Variants in TFPI observed in about 807,000 individuals in gnomAD.
The protein encoded by TFPI is anti-convertin.
In TFPI, 15 loss-of-function variants were observed where a neutral mutation model predicts 34.6. The ratio of observed to expected loss-of-function variants is 0.43; its 90% CI spans 0.29 to 0.67. TFPI has a LOEUF of 0.67. TFPI is among the 30% of genes least tolerant of loss of function. The pLI is 0.15. For missense variants in TFPI, 301 were observed against 364.0 expected, an observed-to-expected ratio of 0.83 and a Z score of 1.41; for synonymous variants, 105 against 120.1, an observed-to-expected ratio of 0.87 and a Z score of 0.82.
chr2:187,549,858 A>T (rs1689030619), intron 1 of TFPI, among the ~76,000 whole-genome samples: 1 of 151,980 alleles, frequency 6.6e-6, no homozygotes, highest in Admixed American at 6.6e-5. Context: ...CAGGGATTGG[A>T]TTTTTCCACC....
At chr2:187,535,950 A>C (rs920226498) in intron 1 of TFPI, among the ~76,000 whole-genome samples, 5 of 152,334 alleles carry the variant, frequency 3.3e-5, no homozygotes, top group African/African-American at 4.8e-5. Flanking sequence ...GAATACTATA[A>C]AAACCTCTAA....
chr2:187,521,254 G>C (rs778278360), intron 1 of TFPI, among the ~76,000 whole-genome samples: 9 of 151,988 alleles, frequency 5.9e-5, no homozygotes, highest in Non-Finnish European at 1.2e-4. Context: ...CATCCATGTT[G>C]TCACAAATAG....
At chr2:187,488,146 A>T (rs1337378767) in intron 4 of TFPI, among the ~76,000 whole-genome samples, 191 bp downstream of exon 4, 1 of 151,370 alleles carries the variant, frequency 6.6e-6, no homozygotes, top group Non-Finnish European at 1.5e-5. Flanking sequence ...AAATGACATG[A>T]TCAATCTGTC....
chr2:187,478,704 C>T (rs1482519742), intron 6 of TFPI: 3 of 1,613,334 alleles, frequency 1.9e-6, no homozygotes, highest in Admixed American at 3.3e-5. Flanking sequence ...GCTATCCAAT[C>T]CTAGAAAGAA....
intron 6 of TFPI, among the ~76,000 whole-genome samples, chr2:187,471,883 GT>G (rs1410260912): frequency 6.6e-6 from 1 of 151,634 alleles, no homozygotes; most frequent in Non-Finnish European, 1.5e-5. Context: ...AACAAACTAG[GT>G]TTTAAGAAAT....
intron 6 of TFPI, chr2:187,478,688 T>G (rs1559101038): frequency 1.2e-6 from 2 of 1,613,164 alleles, no homozygotes; most frequent in Admixed American, 3.3e-5. Context: ...AACATAGGCA[T>G]GAAATGCTAT....
At position 187,495,310 on chromosome 2, in the gene TFPI, C is replaced by G. The variant is rs375574444; in HGVS notation, c.319+1571G>C. On this transcript the variant is annotated intron_variant, in intron 3 of 7. Coordinates refer to ENST00000233156, the MANE Select transcript of TFPI (RefSeq NM_006287.6). ...AGAGTGGGGATTACAAAGAATGAGG[C>G]AACCAGGCTTCTAGCCAAGGTACTG... 1.4e-4 allele frequency among the ~76,000 whole-genome samples: 22 copies of G among 152,262 alleles called. No homozygotes were observed. In the South Asian group the frequency reaches 3.7e-3, roughly 26 times the overall value.
Position 187,506,130 on chromosome 2 carries a change from A to G in TFPI, c.-2-2360T>C, listed in dbSNP as rs114988101. The stretch of plus-strand genomic sequence containing the variant: ...AATGTAGGGATGAATCCATGCACCA[A>G]CTTCTATATACCATGCAAAATCTTT... On this transcript the variant is annotated intron_variant, in intron 1 of 7. Transcript: ENST00000233156. 8.7e-3 allele frequency among the ~76,000 whole-genome samples: 1,330 copies of G among 152,174 alleles called. 17 individuals are homozygous for G. Among genetic ancestry groups the G allele is most frequent in the African/African-American group, 0.03 (1,260 of 41,536 alleles).
At chr2:187,482,875 A>G (rs1288571484) in intron 6 of TFPI, among the ~76,000 whole-genome samples, 1 of 152,006 alleles carries the variant, frequency 6.6e-6, no homozygotes, top group Non-Finnish European at 1.5e-5. Flanking sequence ...CTCCTTTCAC[A>G]TAATAGTGTT....
At chr2:187,508,686 G>A (rs1357143083) in intron 1 of TFPI, among the ~76,000 whole-genome samples, 1 of 152,182 alleles carries the variant, frequency 6.6e-6, no homozygotes, top group East Asian at 1.9e-4. Context: ...TCAGCTTAAG[G>A]AGATTTGGGG....
At chr2:187,483,516 T>C (rs1037981666) in intron 6 of TFPI, among the ~76,000 whole-genome samples, 18 of 152,042 alleles carry the variant, frequency 1.2e-4, no homozygotes, top group Non-Finnish European at 2.1e-4. Context: ...CCTGATTATG[T>C]TTTCCAGTAT....
chr2:187,532,612 A>G (rs34893125), intron 1 of TFPI, among the ~76,000 whole-genome samples: 34,967 of 152,160 alleles, frequency 0.23, 4,186 homozygotes, highest in Middle Eastern at 0.29. Flanking sequence ...TCGCGTGCTT[A>G]CGCCATTGAG....
chr2:187,533,016 T>C (rs971460383), intron 1 of TFPI, among the ~76,000 whole-genome samples: 1 of 152,150 alleles, frequency 6.6e-6, no homozygotes, highest in Non-Finnish European at 1.5e-5. Flanking sequence ...CCTCTCTAGA[T>C]TCTTCCTCTC....
intron 2 of TFPI, among the ~76,000 whole-genome samples, chr2:187,501,064 G>A (rs1018457879): frequency 1.3e-5 from 2 of 152,096 alleles, no homozygotes; most frequent in Non-Finnish European, 2.9e-5. Context: ...GCCTGAAGGG[G>A]TCAGCGATAA....
chr2:187,510,605 G>A (rs1273070253), intron 1 of TFPI, among the ~76,000 whole-genome samples: 1 of 152,192 alleles, frequency 6.6e-6, no homozygotes, highest in Non-Finnish European at 1.5e-5. Context: ...CCGGCGCTGT[G>A]CCCTGGGCCT....
chr2:187,496,564 T>C lies in TFPI; in HGVS notation c.319+317A>G, dbSNP rs368137454. 2.2e-4 allele frequency among the ~76,000 whole-genome samples: 33 copies of C among 152,206 alleles called. No individual in the cohort carries two copies. The East Asian group carries it at 4.8e-3, about 22-fold the overall frequency. ...GGCCTCATATTTTATAATTCACTGA[T>C]ATGAAGAAAATGAAAAATGATAGTT... On this transcript the variant is annotated intron_variant, in intron 3 of 7. Coordinates refer to ENST00000233156, the MANE Select transcript of TFPI (RefSeq NM_006287.6).
intron 3 of TFPI, among the ~76,000 whole-genome samples, chr2:187,490,466 G>A (rs535606200): frequency 6.6e-6 from 1 of 151,442 alleles, no homozygotes; most frequent in East Asian, 1.9e-4. Flanking sequence ...TTTTATTAAT[G>A]GACCCCCATT....
At position 187,503,742 on chromosome 2, in the gene TFPI, A is replaced by G; in HGVS notation, c.27T>C (p.His9=). The change falls in exon 2 of 8, where the codon CAT becomes CAC. Residue 9 remains histidine (H), a synonymous_variant. Transcript: ENST00000233156. MIYTMKKV[H]ALWASVCLLL... ...GCAGGCATACAGAAGCCCAAAGTGC[A>G]TGTACTTTCTTCATTGTGTAAATCA... 6.2e-7 allele frequency: 1 copy of G among 1,613,094 alleles called. No homozygotes were observed. Among genetic ancestry groups the G allele is most frequent in the Non-Finnish European group, 8.5e-7 (1 of 1,179,300 alleles).
At chr2:187,537,041 C>G (rs992393755) in intron 1 of TFPI, among the ~76,000 whole-genome samples, 1 of 151,684 alleles carries the variant, frequency 6.6e-6, no homozygotes, top group African/African-American at 2.4e-5. Context: ...ATGTGAAGGA[C>G]CTCTTCAAGG....
Sources: allele counts gnomAD v4.1 joint callset (sites outside exome capture counted in the v4.1 genomes callset), GRCh38; gene constraint gnomAD v4.1.1; transcripts MANE v1.5; gene names NCBI Gene and HGNC (gene_info 2026-07-23, HGNC 2026-07-21).